The following KIF3B variants were observed in gnomAD, a reference collection of about 807,000 sequenced individuals.
KIF3B encodes kinesin-like protein KIF3B.
A neutral mutation model predicts 74.3 loss-of-function variants in KIF3B; 38 were observed. That is an observed-to-expected ratio of 0.51 (90% CI 0.39 to 0.67). The LOEUF (loss-of-function observed/expected upper bound fraction) is 0.67. Among genes scored for constraint, KIF3B ranks in the 30% least tolerant of loss-of-function variants. KIF3B has a pLI of 0.00. For synonymous variants in KIF3B, 326 were observed against 342.5 expected, an observed-to-expected ratio of 0.95 and a Z score of 0.53; for missense variants, 649 against 932.0, an observed-to-expected ratio of 0.70 and a Z score of 3.95.
intron 1 of KIF3B, among the ~76,000 whole-genome samples, chr20:32,278,999 C>G (rs965498333): frequency 1.4e-5 from 2 of 146,760 alleles, no homozygotes; most frequent in African/African-American, 5.0e-5. Context: ...TCTCAGCTCA[C>G]TGCAACCTCC....
intron 1 of KIF3B, among the ~76,000 whole-genome samples, chr20:32,286,526 G>A (rs534807309): frequency 7.9e-5 from 12 of 152,118 alleles, no homozygotes; most frequent in Non-Finnish European, 1.8e-4. Flanking sequence ...AGAAATATAT[G>A]TAATGTTTTT....
At chr20:32,284,084 TA>T (rs760273892) in intron 1 of KIF3B, among the ~76,000 whole-genome samples, 2,476 of 148,048 alleles carry the variant, frequency 0.017, 54 homozygotes, top group African/African-American at 0.055. Flanking sequence ...CCCAGCTAAT[TA>T]AAAAAAAAAA....
At chr20:32,307,167 C>A (rs1265890603) in intron 1 of KIF3B, among the ~76,000 whole-genome samples, 1 of 152,148 alleles carries the variant, frequency 6.6e-6, no homozygotes, top group African/African-American at 2.4e-5. Context: ...CCATTATGGA[C>A]ATCTCCTACC....
chr20:32,322,704 A>ATTTATT (rs2047869713), intron 5 of KIF3B, among the ~76,000 whole-genome samples: 14 of 70,684 alleles, frequency 2.0e-4, no homozygotes, highest in African/African-American at 9.5e-4. Flanking sequence ...ATATATTTAT[A>ATTTATT]TATTTATATA....
rs535606869 is a variant in KIF3B at position 32,334,517 on chromosome 20, G to A, written c.*3198G>A. 1.3e-5 allele frequency: 2 copies of A among 152,724 alleles called. No homozygotes were observed. The highest frequency in any genetic ancestry group is 4.1e-4 in the South Asian group (2 of 4,828). 9.5% of individuals were successfully genotyped at this position (152,724 alleles called of 1,614,324 possible). A position where few individuals can be genotyped will look rare whatever the true frequency, so the allele number is the denominator to read the frequency against. ...CGATTCCCTGTTAACATGGATATCA[G>A]TTCTGCCTCACATTTCCCACTTGAG... is the stretch of plus-strand genomic sequence containing the variant. On this transcript the variant is annotated 3_prime_UTR_variant, in exon 9 of 9. Transcript: ENST00000375712.
chr20:32,299,383 A>G (rs865798681), intron 1 of KIF3B, among the ~76,000 whole-genome samples: 55 of 24,480 alleles, frequency 2.2e-3, no homozygotes, highest in East Asian at 8.6e-3. Flanking sequence ...GTGTGTGTAT[A>G]TATATATATA....
intron 5 of KIF3B, among the ~76,000 whole-genome samples, chr20:32,317,762 C>T (rs765796981): frequency 4.6e-5 from 7 of 151,768 alleles, no homozygotes; most frequent in African/African-American, 9.7e-5. Flanking sequence ...CTTAGCCTCC[C>T]GGGTAGCTGG....
chr20:32,313,204 T>A (rs1238630295), intron 2 of KIF3B, among the ~76,000 whole-genome samples: 1 of 152,188 alleles, frequency 6.6e-6, no homozygotes, highest in African/African-American at 2.4e-5. Flanking sequence ...TGCCTGCAGT[T>A]GCCTGGACTC....
rs1015863649 is a variant in KIF3B at position 32,331,470 on chromosome 20, G to C, written c.*151G>C. On this transcript the variant is annotated 3_prime_UTR_variant, in exon 9 of 9. Coordinates refer to ENST00000375712, the MANE Select transcript of KIF3B (RefSeq NM_004798.4). Reference sequence around the variant, plus strand: ...TTTGCAGATCAACCAACTTAATCTGGTTGAACGTGCTGTTCCTAATCTGGC... The same window carrying C: ...TTTGCAGATCAACCAACTTAATCTGCTTGAACGTGCTGTTCCTAATCTGGC... 1.6e-6 allele frequency: 1 copy of C among 606,244 alleles called. No individual in the cohort carries two copies. The highest frequency in any genetic ancestry group is 2.9e-6 in the Non-Finnish European group (1 of 350,302). 37.6% of individuals were successfully genotyped at this position (606,244 alleles called of 1,614,324 possible).
rs771615918 is a variant in KIF3B, at chr20:32,311,802, CT to C, written c.1404+638del. On this transcript the variant is annotated intron_variant, in intron 2 of 8. Transcript: ENST00000375712. ...AAGAAATAGAACAACATCCATTTTT[CT>C]TTTTTTTTTTTTTTTTGAGATGGAG... is the stretch of plus-strand genomic sequence containing the variant. 2.3e-3 allele frequency among the ~76,000 whole-genome samples: 309 copies of C among 132,102 alleles called. 4 individuals are homozygous for C. The highest frequency in any genetic ancestry group is 7.1e-3 in the African/African-American group (245 of 34,728). The allele number at this position is 132,102 out of a possible 152,430, so 86.7% of individuals were successfully genotyped here.
chr20:32,317,809 T>A (rs1040761955), intron 5 of KIF3B, among the ~76,000 whole-genome samples: 3 of 151,888 alleles, frequency 2.0e-5, no homozygotes, highest in African/African-American at 4.8e-5. Context: ...AGCTAATTTT[T>A]AAAAAAAATT....
At chr20:32,286,723 A>G (rs763545263) in intron 1 of KIF3B, among the ~76,000 whole-genome samples, 1 of 152,156 alleles carries the variant, frequency 6.6e-6, no homozygotes, top group Non-Finnish European at 1.5e-5. Context: ...GTATTCCTAA[A>G]TACATTTTAT....
At chr20:32,317,153 C>G (rs575898078) in intron 5 of KIF3B, among the ~76,000 whole-genome samples, 1 of 152,152 alleles carries the variant, frequency 6.6e-6, no homozygotes, top group African/African-American at 2.4e-5. Context: ...AGGAGAATCG[C>G]TTGAACCCGG....
chr20:32,310,368 G>A lies in KIF3B; in HGVS notation c.591G>A (p.Gly197=). The A allele has an allele frequency of 3.7e-6, 6 of 1,614,190 alleles. No individual in the cohort carries two copies. The highest frequency in any genetic ancestry group is 5.1e-6 in the Non-Finnish European group (6 of 1,180,040). ...AGATAGAGCATGTGATGAATGTGGGGAACCAGAACCGTTCTGTCGGTGCTA... is the reference window on the plus strand; with the variant it reads ...AGATAGAGCATGTGATGAATGTGGGAAACCAGAACCGTTCTGTCGGTGCTA... ...VKEIEHVMNV[G]NQNRSVGATN... The change falls in exon 2 of 9, where the codon GGG becomes GGA. Residue 197 remains glycine (G), a synonymous_variant. Transcript: ENST00000375712. This position sits in a 1 kb window ranked among gnomAD's most constrained non-coding sequence, Gnocchi z 6.5.
rs57355936 is a variant in KIF3B at position 32,278,921 on chromosome 20, C to CTTTTT, written c.-66+1172_-66+1176dup. Among the ~76,000 whole-genome samples, 112 of 118,386 alleles carry CTTTTT rather than the reference C, an allele frequency of 9.5e-4. 3 individuals are homozygous for CTTTTT. Among genetic ancestry groups the CTTTTT allele is most frequent in the East Asian group, 2.5e-3 (9 of 3,654 alleles). 77.7% of individuals were successfully genotyped at this position (118,386 alleles called of 152,430 possible). On this transcript the variant is annotated intron_variant, in intron 1 of 8. Transcript: ENST00000375712. ...AAAGGGAAGGACCTGCTTAAGAATC[C>CTTTTT]TTTTTTTTTTTTTTTTTTTTGAGAC...
chr20:32,324,679 A>T, intron 5 of KIF3B, among the ~76,000 whole-genome samples: 1 of 152,156 alleles, frequency 6.6e-6, no homozygotes. Context: ...CCAAAGAAGA[A>T]GTTTTCAAAG....
intron 1 of KIF3B, among the ~76,000 whole-genome samples, chr20:32,290,003 C>T (rs1169234050): frequency 1.3e-5 from 2 of 152,240 alleles, no homozygotes; most frequent in South Asian, 2.1e-4. Flanking sequence ...TTCTTCTAGT[C>T]CTCACACGGC....
intron 8 of KIF3B, 133 bp from the exon 9 acceptor site, chr20:32,331,090 G>A (rs2047927522): frequency 2.8e-6 from 2 of 713,840 alleles, no homozygotes; most frequent in Non-Finnish European, 4.9e-6. Context: ...CTGTGCCAGT[G>A]TAGTGGTTTT....
intron 1 of KIF3B, among the ~76,000 whole-genome samples, chr20:32,279,081 G>A (rs186575066): frequency 2.0e-5 from 3 of 151,814 alleles, no homozygotes; most frequent in Non-Finnish European, 4.4e-5. Flanking sequence ...TCACCACCTC[G>A]TCCACTAATT....
Sources: allele counts gnomAD v4.1 joint callset (sites outside exome capture counted in the v4.1 genomes callset), GRCh38; gene constraint gnomAD v4.1.1; non-coding constraint Gnocchi (gnomAD v3.1); transcripts MANE v1.5; gene names NCBI Gene and HGNC (gene_info 2026-07-23, HGNC 2026-07-21).